PCCA: variants seen among roughly 807,000 people sequenced by gnomAD.
PCCA encodes the protein propionyl-CoA carboxylase subunit alpha, also known as propionyl-CoA carboxylase alpha chain, mitochondrial.
In PCCA, 74 loss-of-function variants were observed where a neutral mutation model predicts 101.3. The ratio of observed to expected loss-of-function variants is 0.73; its 90% CI spans 0.61 to 0.89. The LOEUF (loss-of-function observed/expected upper bound fraction) is 0.89. Ranked by LOEUF, PCCA falls within the 40% of genes least tolerant of loss-of-function variation. PCCA has a pLI of 0.00. For synonymous variants in PCCA, 294 were observed against 313.6 expected (o/e 0.94, Z 0.66); for missense variants, 891 against 907.0 (o/e 0.98, Z 0.23).
intron 9 of PCCA, among the ~76,000 whole-genome samples, chr13:100,262,009 A>T (rs972420551): frequency 3.3e-5 from 5 of 152,102 alleles, no homozygotes; most frequent in African/African-American, 1.2e-4. Context: ...AATCAAACAG[A>T]TGTTTTTTTA....
chr13:100,523,620 G>A (rs567592800), intron 22 of PCCA, among the ~76,000 whole-genome samples: 3 of 152,282 alleles, frequency 2.0e-5, no homozygotes, highest in South Asian at 2.1e-4. Context: ...GGGCAAGGCC[G>A]ACTCCTGCTT....
At chr13:100,147,431 G>T (rs1254651123) in intron 4 of PCCA, among the ~76,000 whole-genome samples, 2 of 152,182 alleles carry the variant, frequency 1.3e-5, no homozygotes, top group East Asian at 3.8e-4. Context: ...AGGGCTTTAA[G>T]ATCCCATGAC....
chr13:100,168,212 G>T (rs1171369715), intron 6 of PCCA, among the ~76,000 whole-genome samples: 2 of 152,152 alleles, frequency 1.3e-5, no homozygotes, highest in Non-Finnish European at 2.9e-5. Context: ...TGAGGTTTAA[G>T]ATTGCTCCAG....
At chr13:100,300,363 A>G (rs1380893551) in intron 12 of PCCA, among the ~76,000 whole-genome samples, 1 of 152,140 alleles carries the variant, frequency 6.6e-6, no homozygotes, top group Non-Finnish European at 1.5e-5. Context: ...TTTTAAGACT[A>G]TGGCATTGTC....
chr13:100,273,519 A>G (rs939928007), intron 12 of PCCA, among the ~76,000 whole-genome samples, 173 bp downstream of exon 12: 3 of 152,232 alleles, frequency 2.0e-5, no homozygotes, highest in Non-Finnish European at 4.4e-5. Flanking sequence ...GTATCCCTCT[A>G]AAGTTCAATG....
intron 6 of PCCA, among the ~76,000 whole-genome samples, chr13:100,176,610 G>A (rs1413481459): frequency 6.6e-6 from 1 of 152,134 alleles, no homozygotes; most frequent in Non-Finnish European, 1.5e-5. Flanking sequence ...TCAAAAGTGA[G>A]TGAATTTATG....
At chr13:100,477,461 T>C (rs1166856672) in intron 21 of PCCA, 1 of 152,214 alleles carries the variant, frequency 6.6e-6, no homozygotes, top group Non-Finnish European at 1.5e-5. Context: ...AGTTATACTA[T>C]TTTCTGCATG....
intron 21 of PCCA, among the ~76,000 whole-genome samples, chr13:100,485,132 T>C (rs1267395490): frequency 6.6e-6 from 1 of 152,192 alleles, no homozygotes; most frequent in Admixed American, 6.5e-5. Flanking sequence ...GGGACAGGGC[T>C]GAAGAGGAGG....
intron 2 of PCCA, among the ~76,000 whole-genome samples, chr13:100,110,988 C>T (rs769708315): frequency 1.3e-4 from 19 of 151,108 alleles, no homozygotes; most frequent in African/African-American, 2.2e-4. Flanking sequence ...TGCACCATCA[C>T]GCCGGCTAAT....
intron 21 of PCCA, among the ~76,000 whole-genome samples, chr13:100,496,921 C>T (rs758267071): frequency 3.9e-5 from 6 of 152,164 alleles, no homozygotes; most frequent in Non-Finnish European, 7.3e-5. Flanking sequence ...ATGGTGTGTT[C>T]AGGTCGCTAC....
chr13:100,151,017 A>T, intron 4 of PCCA: 1 of 1,546,780 alleles, frequency 6.5e-7, no homozygotes, highest in South Asian at 1.1e-5. Context: ...TACTGCCAGC[A>T]GCGGACCCTC....
intron 8 of PCCA, among the ~76,000 whole-genome samples, chr13:100,250,209 G>A (rs1370009796): frequency 2.0e-5 from 3 of 152,102 alleles, no homozygotes; most frequent in Admixed American, 2.0e-4. Context: ...TAGGCTTTTT[G>A]TGTATATTCT....
chr13:100,170,321 A>AAT (rs1332081158), intron 6 of PCCA, among the ~76,000 whole-genome samples: 3 of 152,206 alleles, frequency 2.0e-5, no homozygotes, highest in African/African-American at 7.2e-5. Context: ...TAACTGAAGT[A>AAT]ATGCTAGTTA....
At chr13:100,245,925 G>A (rs756413791) in intron 8 of PCCA, among the ~76,000 whole-genome samples, 2 of 152,190 alleles carry the variant, frequency 1.3e-5, no homozygotes, top group Non-Finnish European at 2.9e-5. Flanking sequence ...GAGGGGGAAT[G>A]AAGGAAACTG....
At chr13:100,163,068 G>A (rs1412577680) in intron 6 of PCCA, among the ~76,000 whole-genome samples, 1 of 152,132 alleles carries the variant, frequency 6.6e-6, no homozygotes, top group Admixed American at 6.6e-5. Flanking sequence ...ATGCTCTAAA[G>A]TGAATGCCTG....
intron 8 of PCCA, among the ~76,000 whole-genome samples, chr13:100,246,908 T>G (rs1402630165): frequency 1.3e-5 from 2 of 151,800 alleles, no homozygotes; most frequent in Non-Finnish European, 2.9e-5. Flanking sequence ...GTGAGTTTTT[T>G]TTTTTTTTTT....
intron 21 of PCCA, among the ~76,000 whole-genome samples, chr13:100,453,102 G>A (rs2081450639): frequency 6.6e-6 from 1 of 152,020 alleles, no homozygotes; most frequent in South Asian, 2.1e-4. Context: ...AACATCACTT[G>A]AGCCCAGGGA....
In PCCA at chr13:100,270,963, A is replaced by C. The variant is rs117999237; in HGVS notation, c.914+2180A>C. 1.8e-3 allele frequency among the ~76,000 whole-genome samples: 272 copies of C among 152,256 alleles called. 3 individuals are homozygous for C. In the East Asian group the frequency reaches 0.032, roughly 18 times the overall value. The stretch of plus-strand genomic sequence containing the variant: ...GTCGAGGTTGCAGTGAGCCGACATC[A>C]TGCCACCAGATTCCAGCCTGGGTGA... On this transcript the variant is annotated intron_variant, in intron 11 of 23. Transcript: ENST00000376285.
chr13:100,444,893 A>T (rs1261410594), intron 20 of PCCA, among the ~76,000 whole-genome samples: 2 of 152,132 alleles, frequency 1.3e-5, no homozygotes, highest in Non-Finnish European at 2.9e-5. Context: ...TTAATTGATA[A>T]ATTAAAGTTG....
Sources: allele counts gnomAD v4.1 joint callset (sites outside exome capture counted in the v4.1 genomes callset), GRCh38; gene constraint gnomAD v4.1.1; transcripts MANE v1.5; gene names NCBI Gene and HGNC (gene_info 2026-07-23, HGNC 2026-07-21).